Variants in LRRC4C observed in about 807,000 individuals in gnomAD.
LRRC4C encodes the protein leucine rich repeat containing 4C.
Under a neutral mutation model 33.6 loss-of-function variants are expected in LRRC4C, and 5 were observed. The observed-to-expected ratio is 0.15, with a 90% CI of 0.08 to 0.31. LRRC4C has a LOEUF of 0.31. Ranked by LOEUF, LRRC4C falls within the 10% of genes least tolerant of loss-of-function variation. The probability of loss-of-function intolerance (pLI) is 1.00; values close to 1 mark genes in which losing one functional copy is unlikely to be tolerated. For synonymous variants in LRRC4C, 329 were observed against 302.0 expected (o/e 1.09, Z -0.93); for missense variants, 560 against 796.7 (o/e 0.70, Z 3.58).
At chr11:41,353,353 T>A (rs1327130582) in intron 1 of LRRC4C, among the ~76,000 whole-genome samples, 2 of 151,794 alleles carry the variant, frequency 1.3e-5, no homozygotes, top group Admixed American at 1.3e-4. Context: ...CAATAATGAG[T>A]TCTGTAAATG....
chr11:40,971,396 G>T (rs1851717840), intron 1 of LRRC4C, among the ~76,000 whole-genome samples: 2 of 152,214 alleles, frequency 1.3e-5, no homozygotes, highest in Admixed American at 1.3e-4. Context: ...AGAGCAAGCT[G>T]TAAGTCTGTT....
At chr11:40,409,966 AATTTT>A (rs1429103998) in intron 3 of LRRC4C, among the ~76,000 whole-genome samples, 2 of 152,106 alleles carry the variant, frequency 1.3e-5, no homozygotes, top group African/African-American at 4.8e-5. Flanking sequence ...AAATATCTAC[AATTTT>A]ATTAGTCAAT....
chr11:40,253,383 T>C (rs1452465), intron 4 of LRRC4C, among the ~76,000 whole-genome samples: 89,612 of 152,040 alleles, frequency 0.59, 29,187 homozygotes, highest in East Asian at 0.79. Flanking sequence ...AAGAAGCAGG[T>C]TGGTATAAAA....
intron 2 of LRRC4C, among the ~76,000 whole-genome samples, chr11:40,796,924 G>A (rs375712064): frequency 6.6e-6 from 1 of 152,082 alleles, no homozygotes; most frequent in African/African-American, 2.4e-5. Context: ...TGGGTTACAG[G>A]CATGAGCCAC....
intron 1 of LRRC4C, among the ~76,000 whole-genome samples, chr11:41,149,351 CA>C (rs1263594654): frequency 7.9e-5 from 12 of 151,542 alleles, no homozygotes; most frequent in Non-Finnish European, 1.5e-4. Flanking sequence ...ACTAGAAATA[CA>C]AAAAATTAGC....
intron 2 of LRRC4C, among the ~76,000 whole-genome samples, chr11:40,789,853 G>GTC (rs1950556592): frequency 1.3e-5 from 2 of 152,246 alleles, no homozygotes; most frequent in Admixed American, 6.5e-5. Context: ...ACATAATAGA[G>GTC]TCACACACAC....
At chr11:41,015,969 G>A (rs1590244544) in intron 1 of LRRC4C, among the ~76,000 whole-genome samples, 1 of 152,106 alleles carries the variant, frequency 6.6e-6, no homozygotes, top group Non-Finnish European at 1.5e-5. Flanking sequence ...CAGCCCGGGC[G>A]AGCTGCAGAG....
intron 3 of LRRC4C, among the ~76,000 whole-genome samples, chr11:40,532,955 C>T (rs914630321): frequency 3.9e-5 from 6 of 152,076 alleles, no homozygotes; most frequent in African/African-American, 1.4e-4. Context: ...GCAGGAGGAA[C>T]TACCAAACAC....
intron 1 of LRRC4C, among the ~76,000 whole-genome samples, chr11:41,241,810 A>G (rs2136555045): frequency 6.6e-6 from 1 of 152,260 alleles, no homozygotes; most frequent in East Asian, 1.9e-4. Context: ...ATGGTTAGAA[A>G]TGGTTTCTTT....
chr11:41,438,525 G>A (rs1415918340), intron 1 of LRRC4C, among the ~76,000 whole-genome samples: 1 of 152,126 alleles, frequency 6.6e-6, no homozygotes, highest in Non-Finnish European at 1.5e-5. Flanking sequence ...GGATATAAAC[G>A]ATGAGAAAGA....
chr11:41,260,323 C>T (rs1379810959), intron 1 of LRRC4C, among the ~76,000 whole-genome samples: 1 of 152,086 alleles, frequency 6.6e-6, no homozygotes, highest in Non-Finnish European at 1.5e-5. Context: ...GTGAAGGAAG[C>T]TTTAAAGACA....
chr11:40,218,692 A>AATCTATCTATCTATCTATCT (rs3041085), intron 5 of LRRC4C, among the ~76,000 whole-genome samples: 147 of 140,110 alleles, frequency 1.0e-3, no homozygotes, highest in East Asian at 1.3e-3. Flanking sequence ...AATGATAAAG[A>AATCTATCTATCTATCTATCT]ATCTATCTAT....
At chr11:41,001,776 G>A (rs1163085468) in intron 1 of LRRC4C, among the ~76,000 whole-genome samples, 1 of 152,034 alleles carries the variant, frequency 6.6e-6, no homozygotes, top group African/African-American at 2.4e-5. Flanking sequence ...CCTTGAACAT[G>A]GATTAGGCAA....
intron 2 of LRRC4C, among the ~76,000 whole-genome samples, chr11:40,887,533 T>G (rs1199374149): frequency 6.6e-6 from 1 of 152,028 alleles, no homozygotes; most frequent in Non-Finnish European, 1.5e-5. Context: ...GCTGACCCAC[T>G]TTGAACTTGT....
intron 2 of LRRC4C, among the ~76,000 whole-genome samples, chr11:40,860,448 ATTAAGATGT>A: frequency 6.9e-6 from 1 of 145,720 alleles, no homozygotes; most frequent in South Asian, 2.2e-4. Flanking sequence ...TTCCTCTGAA[ATTAAGATGT>A]CAGTGGAAAC....
chr11:40,914,700 C>A (rs531247629), intron 2 of LRRC4C, among the ~76,000 whole-genome samples: 6 of 152,180 alleles, frequency 3.9e-5, no homozygotes, highest in African/African-American at 1.4e-4. Context: ...CTGGCCAGGA[C>A]AATCAGTCAG....
At chr11:41,410,754 T>C (rs60852526) in intron 1 of LRRC4C, among the ~76,000 whole-genome samples, 282 of 152,212 alleles carry the variant, frequency 1.9e-3, no homozygotes, top group African/African-American at 6.2e-3. Context: ...AAGTTATTTT[T>C]ATGGAACAAC....
chr11:41,416,819 C>T (rs1043998218), intron 1 of LRRC4C, among the ~76,000 whole-genome samples: 3 of 151,918 alleles, frequency 2.0e-5, no homozygotes, highest in African/African-American at 2.4e-5. Flanking sequence ...TGTGTGAAAA[C>T]GCATCAAAAG....
Position 40,393,373 on chromosome 11 carries a change from T to C in LRRC4C, c.-269-73652A>G, listed in dbSNP as rs188741767. 3.2e-3 allele frequency among the ~76,000 whole-genome samples: 489 copies of C among 152,236 alleles called. 1 individual carries two copies. Among genetic ancestry groups the C allele is most frequent in the Non-Finnish European group, 5.0e-3 (337 of 68,006 alleles). ...CTTTAAAATATCCAGGTAATAAAAA[T>C]AGACTTTCTTAAGAGACCCTGAAGA... is the stretch of plus-strand genomic sequence containing the variant. On this transcript the variant is annotated intron_variant, in intron 3 of 6. Transcript: ENST00000528697.
Sources: gnomAD v4.1 joint callset for allele counts (sites outside exome capture counted in the v4.1 genomes callset) on GRCh38, gnomAD v4.1.1 for gene constraint, MANE v1.5 for transcripts, NCBI Gene and HGNC (gene_info 2026-07-23, HGNC 2026-07-21) for gene names.